ZBTB7C: variants seen among roughly 807,000 people sequenced by gnomAD.
ZBTB7C encodes zinc finger and BTB domain containing 7C.
Under a neutral mutation model 25.7 loss-of-function variants are expected in ZBTB7C, and 8 were observed. That is an observed-to-expected ratio of 0.31 (90% CI 0.18 to 0.56). The LOEUF (loss-of-function observed/expected upper bound fraction) is 0.56. Among genes scored for constraint, ZBTB7C ranks in the 20% least tolerant of loss-of-function variants. The pLI is 0.91. For synonymous variants in ZBTB7C, 394 were observed against 369.0 expected (o/e 1.07, Z -0.78); for missense variants, 824 against 855.2 (o/e 0.96, Z 0.46).
intron 1 of ZBTB7C, among the ~76,000 whole-genome samples, chr18:48,400,136 T>C (rs562018481): frequency 6.6e-6 from 1 of 152,326 alleles, no homozygotes; most frequent in African/African-American, 2.4e-5. Flanking sequence ...CAAAACGCAC[T>C]GTTTTAAAAA....
At chr18:48,118,269 G>A (rs1018773902) in intron 3 of ZBTB7C, among the ~76,000 whole-genome samples, 4 of 152,116 alleles carry the variant, frequency 2.6e-5, no homozygotes, top group Non-Finnish European at 4.4e-5. Flanking sequence ...GCCTCCCAAA[G>A]TGCTGGGATT....
At chr18:48,408,902 C>G (rs1432461322) in intron 1 of ZBTB7C, among the ~76,000 whole-genome samples, 1 of 151,464 alleles carries the variant, frequency 6.6e-6, no homozygotes, top group Non-Finnish European at 1.5e-5. Flanking sequence ...GCTCGCTCTC[C>G]GCTGGCTCTC....
chr18:48,363,590 T>G (rs992782764), intron 1 of ZBTB7C, among the ~76,000 whole-genome samples: 1 of 152,190 alleles, frequency 6.6e-6, no homozygotes, highest in Non-Finnish European at 1.5e-5. Context: ...AGGAAAGAGA[T>G]AAAATGAATC....
chr18:48,392,651 C>G (rs148927752), intron 1 of ZBTB7C, among the ~76,000 whole-genome samples: 1 of 152,308 alleles, frequency 6.6e-6, no homozygotes, highest in East Asian at 1.9e-4. Flanking sequence ...CAGAATCTCT[C>G]CCCTATCCCA....
intron 3 of ZBTB7C, among the ~76,000 whole-genome samples, chr18:48,093,809 A>G (rs904852050): frequency 2.0e-5 from 3 of 152,176 alleles, no homozygotes; most frequent in Non-Finnish European, 4.4e-5. Context: ...TAATCCCAGC[A>G]CTTTGGGAGG....
At chr18:48,360,762 G>A (rs907096614) in intron 1 of ZBTB7C, among the ~76,000 whole-genome samples, 4 of 152,098 alleles carry the variant, frequency 2.6e-5, no homozygotes, top group East Asian at 3.9e-4. Flanking sequence ...GGAGGAGCCC[G>A]AGGAAGGAGA....
chr18:48,402,004 A>C (rs1199635243), intron 1 of ZBTB7C, among the ~76,000 whole-genome samples: 2 of 152,156 alleles, frequency 1.3e-5, no homozygotes, highest in Non-Finnish European at 2.9e-5. Context: ...CTTCAAAAGA[A>C]GCCTTGACCT....
At chr18:48,222,560 A>C (rs752813837) in intron 2 of ZBTB7C, among the ~76,000 whole-genome samples, 1 of 152,186 alleles carries the variant, frequency 6.6e-6, no homozygotes, top group African/African-American at 2.4e-5. Flanking sequence ...TGAGAAAATT[A>C]AGCTCATGGA....
At chr18:48,272,106 G>T (rs1028797644) in intron 2 of ZBTB7C, among the ~76,000 whole-genome samples, 5 of 152,336 alleles carry the variant, frequency 3.3e-5, no homozygotes, top group African/African-American at 1.2e-4. Context: ...GTGATGCCCA[G>T]ATAGCTGGTA....
At chr18:48,098,120 A>C (rs2038704901) in intron 3 of ZBTB7C, among the ~76,000 whole-genome samples, 1 of 152,152 alleles carries the variant, frequency 6.6e-6, no homozygotes, top group Non-Finnish European at 1.5e-5. Flanking sequence ...GTGATGGGTG[A>C]GAGTTCAAAA....
intron 2 of ZBTB7C, among the ~76,000 whole-genome samples, chr18:48,192,678 TCATGAACTCTGGA>T (rs1369591756): frequency 6.6e-6 from 1 of 152,214 alleles, no homozygotes; most frequent in Non-Finnish European, 1.5e-5. Context: ...GCCAGGCTGG[TCATGAACTCTGGA>T]CCTCAGGTGA....
intron 1 of ZBTB7C, among the ~76,000 whole-genome samples, chr18:48,387,893 C>A (rs2047787903): frequency 1.3e-5 from 2 of 152,138 alleles, no homozygotes; most frequent in African/African-American, 4.8e-5. Flanking sequence ...GTGGTGCGAT[C>A]TCAGCTCACT....
intron 1 of ZBTB7C, among the ~76,000 whole-genome samples, chr18:48,397,374 T>C (rs950183870): frequency 3.3e-5 from 5 of 152,218 alleles, no homozygotes; most frequent in African/African-American, 1.2e-4. Context: ...CATTCCTTTG[T>C]ACAGGCGGTT....
intron 2 of ZBTB7C, among the ~76,000 whole-genome samples, chr18:48,227,917 TAC>T (rs772865485): frequency 7.2e-5 from 11 of 152,120 alleles, no homozygotes; most frequent in Non-Finnish European, 1.6e-4. Context: ...GGGTAAGTGG[TAC>T]ACTAAAGAGC....
intron 1 of ZBTB7C, among the ~76,000 whole-genome samples, chr18:48,348,994 A>G (rs913292933): frequency 2.6e-5 from 4 of 152,140 alleles, no homozygotes; most frequent in Non-Finnish European, 4.4e-5. Flanking sequence ...CAAGGGAAAA[A>G]GCCCTGAGGG....
chr18:48,335,133 C>T (rs1429569042), intron 2 of ZBTB7C, among the ~76,000 whole-genome samples: 1 of 152,254 alleles, frequency 6.6e-6, no homozygotes, highest in African/African-American at 2.4e-5. Flanking sequence ...CTCACCCCTC[C>T]TTATTTGTGC....
In ZBTB7C at chr18:48,230,632, G is replaced by A. The variant is rs1406818885; in HGVS notation, c.-78-44637C>T. 3.0e-4 allele frequency among the ~76,000 whole-genome samples: 45 copies of A among 152,200 alleles called. 1 individual carries two copies. Among genetic ancestry groups the A allele is most frequent in the Admixed American group, 2.9e-3 (45 of 15,278 alleles). The stretch of plus-strand genomic sequence containing the variant: ...GAAGGGGATGGACATAGGATGGGAA[G>A]AGGTGAAGACATCATCACATCTGGT... On this transcript the variant is annotated intron_variant, in intron 2 of 4. Coordinates refer to ENST00000590800, the MANE Select transcript of ZBTB7C (RefSeq NM_001318841.2).
intron 1 of ZBTB7C, among the ~76,000 whole-genome samples, chr18:48,370,986 G>A (rs950348582): frequency 2.6e-5 from 4 of 152,162 alleles, no homozygotes; most frequent in East Asian, 1.9e-4. Flanking sequence ...GAGGCAGGAG[G>A]TGATTCAAGA....
rs1340391481 is a variant in ZBTB7C at position 48,029,721 on chromosome 18, T to G, written c.1399A>C (p.Ile467Leu). ...GCCATGCGGCAGCTCTGGCGCTTGATGTGGCGGTGCAGGTGGTCAGAGCGC... is the reference window on the plus strand; with the variant it reads ...GCCATGCGGCAGCTCTGGCGCTTGAGGTGGCGGTGCAGGTGGTCAGAGCGC... ...FTRSDHLHRH[I>L]KRQSCRMARP... Residue 467 changes from isoleucine to leucine, a missense_variant, in exon 5 of 5, where the codon ATC becomes CTC. Around this residue, in one of 4 missense-constraint regions of ZBTB7C, gnomAD observed 342 missense variants for 307.0 expected, o/e 1.11. Transcript: ENST00000590800. 1.2e-6 allele frequency: 2 copies of G among 1,602,894 alleles called. No individual in the cohort carries two copies. The highest frequency in any genetic ancestry group is 1.7e-5 in the Admixed American group (1 of 59,952).
Sources: allele counts gnomAD v4.1 joint callset (sites outside exome capture counted in the v4.1 genomes callset), GRCh38; gene constraint gnomAD v4.1.1; regional missense constraint gnomAD v4.1.1; transcripts MANE v1.5; gene names NCBI Gene and HGNC (gene_info 2026-07-23, HGNC 2026-07-21).